The following CDK6 variants were observed in gnomAD, a reference collection of about 807,000 sequenced individuals.
CDK6 encodes cyclin dependent kinase 6, also known as cyclin-dependent kinase 6.
A neutral mutation model predicts 37.1 loss-of-function variants in CDK6; 6 were observed. That is an observed-to-expected ratio of 0.16 (90% CI 0.09 to 0.32). The LOEUF (loss-of-function observed/expected upper bound fraction) is 0.32. CDK6 is among the 10% of genes least tolerant of loss of function. CDK6 has a pLI of 1.00. For synonymous variants in CDK6, 160 were observed against 161.3 expected (o/e 0.99, Z 0.06); for missense variants, 224 against 418.9 (o/e 0.53, Z 4.06).
At chr7:92,817,683 T>C (rs1430184100) in intron 2 of CDK6, among the ~76,000 whole-genome samples, 3 of 151,050 alleles carry the variant, frequency 2.0e-5, no homozygotes, top group Admixed American at 6.6e-5. Flanking sequence ...ATAAAAGACA[T>C]ATATATATAT....
intron 5 of CDK6, among the ~76,000 whole-genome samples, chr7:92,664,774 A>C (rs1585380891): frequency 6.7e-6 from 1 of 148,250 alleles, no homozygotes; most frequent in Admixed American, 6.7e-5. Flanking sequence ...AACATGTTTT[A>C]TTTTCTTTTT....
At chr7:92,692,380 A>G (rs1797618084) in intron 4 of CDK6, among the ~76,000 whole-genome samples, 1 of 152,260 alleles carries the variant, frequency 6.6e-6, no homozygotes, top group Non-Finnish European at 1.5e-5. Context: ...AGCAAGAGCT[A>G]CTATCTGATG....
intron 2 of CDK6, among the ~76,000 whole-genome samples, chr7:92,821,025 G>A (rs1488455341): frequency 6.6e-6 from 1 of 152,110 alleles, no homozygotes; most frequent in African/African-American, 2.4e-5. Context: ...AAGAGGTGGT[G>A]TATGTCTCTA....
intron 2 of CDK6, among the ~76,000 whole-genome samples, chr7:92,832,121 T>C (rs1205520234): frequency 1.3e-5 from 2 of 152,204 alleles, no homozygotes; most frequent in African/African-American, 4.8e-5. Flanking sequence ...TTTCTAGGCA[T>C]TCCTTTTCAA....
At chr7:92,750,962 A>C (rs1263158409) in intron 3 of CDK6, among the ~76,000 whole-genome samples, 2 of 152,192 alleles carry the variant, frequency 1.3e-5, no homozygotes, top group African/African-American at 4.8e-5. Context: ...CTACTACACG[A>C]TTTATTTCCT....
chr7:92,789,889 T>G (rs1412705070), intron 2 of CDK6, among the ~76,000 whole-genome samples: 1 of 152,090 alleles, frequency 6.6e-6, no homozygotes, highest in Non-Finnish European at 1.5e-5. Flanking sequence ...TTAGAAACCT[T>G]CACAGGCCTC....
chr7:92,825,089 T>C (rs1428447905), intron 2 of CDK6, among the ~76,000 whole-genome samples: 2 of 152,114 alleles, frequency 1.3e-5, no homozygotes, highest in Non-Finnish European at 2.9e-5. Flanking sequence ...TTCATTCTTA[T>C]TGCATCTCTA....
At chr7:92,689,128 T>A (rs967706218) in intron 4 of CDK6, among the ~76,000 whole-genome samples, 24 of 152,162 alleles carry the variant, frequency 1.6e-4, no homozygotes, top group Admixed American at 1.0e-3. Context: ...TTCTTGCCCT[T>A]ACAAGGCTCA....
In CDK6 at chr7:92,833,181, T is replaced by G; in HGVS notation, c.143A>C (p.Gln48Pro). The G allele has an allele frequency of 6.2e-7, 1 of 1,609,464 alleles. No homozygotes were observed. The highest frequency in any genetic ancestry group is 1.1e-5 in the South Asian group (1 of 89,984). Reference sequence around the variant, plus strand: ...GAGCGGCATGCCCTCCTCGCCGGTCTGCACCCGCACGCGCTTCAACGCCAC... The same window carrying G: ...GAGCGGCATGCCCTCCTCGCCGGTCGGCACCCGCACGCGCTTCAACGCCAC... ...RFVALKRVRV[Q>P]TGEEGMPLST... The change falls in exon 2 of 8, where the codon CAG becomes CCG. Residue 48 changes from glutamine to proline, a missense_variant. Transcript: ENST00000424848. The surrounding 1 kb of genome is among the most constrained non-coding windows in gnomAD (Gnocchi z 6.1).
At chr7:92,691,633 T>G (rs557688391) in intron 4 of CDK6, among the ~76,000 whole-genome samples, 2 of 152,296 alleles carry the variant, frequency 1.3e-5, no homozygotes, top group African/African-American at 4.8e-5. Flanking sequence ...GGCAATACCA[T>G]CATATGCAAG....
At chr7:92,626,037 T>C (rs1795920808) in intron 5 of CDK6, among the ~76,000 whole-genome samples, 1 of 152,000 alleles carries the variant, frequency 6.6e-6, no homozygotes, top group Non-Finnish European at 1.5e-5. Flanking sequence ...CCACATTCTA[T>C]TCTAGAGTTG....
At chr7:92,776,221 C>T (rs1282070324) in intron 2 of CDK6, among the ~76,000 whole-genome samples, 1 of 152,100 alleles carries the variant, frequency 6.6e-6, no homozygotes, top group Non-Finnish European at 1.5e-5. Flanking sequence ...CATCCATGTC[C>T]CTGCAAAGGA....
Position 92,618,155 on chromosome 7 carries a change from T to G in CDK6, c.751A>C (p.Arg251=). 1 of 1,614,164 alleles carries G rather than the reference T, an allele frequency of 6.2e-7. No homozygotes were observed. The highest frequency in any genetic ancestry group is 8.5e-7 in the Non-Finnish European group (1 of 1,179,978). ...GCAGATTTTGAATGAAAAGCCTGCC[T>G]GGGAAGGGCAACATCTCTAGGCCAG... ...EDWPRDVALP[R]QAFHSKSAQP... The change falls in exon 7 of 8, where the codon AGG becomes CGG. Residue 251 remains arginine, a synonymous_variant. Transcript: ENST00000424848.
In CDK6 at chr7:92,613,548, G is replaced by A. The variant is rs1161991346; in HGVS notation, c.*1592C>T. The A allele has an allele frequency of 2.6e-5, 6 of 233,470 alleles. No homozygotes were observed. The highest frequency in any genetic ancestry group is 1.7e-4 in the Admixed American group (3 of 17,770). 14.5% of individuals were successfully genotyped at this position (233,470 alleles called of 1,614,324 possible). A position where few individuals can be genotyped will look rare whatever the true frequency, so the allele number is the denominator to read the frequency against. On this transcript the variant is annotated 3_prime_UTR_variant, in exon 8 of 8. Coordinates refer to ENST00000424848, the MANE Select transcript of CDK6 (RefSeq NM_001145306.2). ...GAAAACAGTAAGAGAAAAAGGAAAA[G>A]CTGTTTACAATGCCCAGGCCAGGCT...
Position 92,833,767 on chromosome 7 carries a change from TC to T in CDK6, c.-367-78del. On this transcript the variant is annotated intron_variant, in intron 1 of 7. Transcript: ENST00000424848. This position sits in a 1 kb window ranked among gnomAD's most constrained non-coding sequence, Gnocchi z 6.1. ...AGCCTTCCTCGGGGTTCCTCCAGAC[TC>T]CCCTCCTCCTCCTTTACGAAGCCTC... 1 of 406,070 alleles carries T rather than the reference TC, an allele frequency of 2.5e-6. No individual in the cohort carries two copies. Among genetic ancestry groups the T allele is most frequent in the Non-Finnish European group, 4.3e-6 (1 of 231,450 alleles). 25.2% of individuals were successfully genotyped at this position (406,070 alleles called of 1,614,324 possible). A position where few individuals can be genotyped will look rare whatever the true frequency, so the allele number is the denominator to read the frequency against.
rs901602420 is a variant in CDK6 at position 92,608,174 on chromosome 7, T to C, written c.*6966A>G. On this transcript the variant is annotated 3_prime_UTR_variant, in exon 8 of 8. Transcript: ENST00000424848. Reference sequence around the variant, plus strand: ...CTATGTGTGCTGATTAGTGCTACAGTCATAGTTCTTGGCAGTCAATATGTA... The same window carrying C: ...CTATGTGTGCTGATTAGTGCTACAGCCATAGTTCTTGGCAGTCAATATGTA... 8.6e-6 allele frequency: 2 copies of C among 232,392 alleles called. No homozygotes were observed. The highest frequency in any genetic ancestry group is 1.7e-5 in the Non-Finnish European group (2 of 117,638). 14.4% of individuals were successfully genotyped at this position (232,392 alleles called of 1,614,324 possible).
intron 2 of CDK6, among the ~76,000 whole-genome samples, chr7:92,809,138 T>A (rs1346330319): frequency 6.6e-6 from 1 of 152,186 alleles, no homozygotes; most frequent in Non-Finnish European, 1.5e-5. Context: ...TAAAGAAATA[T>A]ATCTAGATAA....
chr7:92,626,885 A>G (rs1391602508), intron 5 of CDK6, among the ~76,000 whole-genome samples: 1 of 152,112 alleles, frequency 6.6e-6, no homozygotes, highest in East Asian at 1.9e-4. Flanking sequence ...TTTTCCTTGT[A>G]TAATAAAATT....
intron 3 of CDK6, among the ~76,000 whole-genome samples, chr7:92,767,163 T>A (rs528205390): frequency 1.8e-4 from 28 of 152,342 alleles, no homozygotes; most frequent in Non-Finnish European, 3.5e-4. Context: ...ACTAAATAGC[T>A]GTTATATTTT....
Sources: gnomAD v4.1 joint callset for allele counts (sites outside exome capture counted in the v4.1 genomes callset) on GRCh38, gnomAD v4.1.1 for gene constraint, Gnocchi (gnomAD v3.1) non-coding constraint, MANE v1.5 for transcripts, NCBI Gene and HGNC (gene_info 2026-07-23, HGNC 2026-07-21) for gene names.